NOL9: variants seen among roughly 807,000 people sequenced by gnomAD.
NOL9 encodes nucleolar protein 9.
Under a neutral mutation model 67.9 loss-of-function variants are expected in NOL9, and 28 were observed. The observed-to-expected ratio is 0.41, with a 90% CI of 0.31 to 0.57. The LOEUF (loss-of-function observed/expected upper bound fraction) is 0.57, where lower values mean the gene tolerates loss of function less well. Among genes scored for constraint, NOL9 ranks in the 20% least tolerant of loss-of-function variants. The pLI, the probability that NOL9 is intolerant of heterozygous loss-of-function variation, is 0.25. For missense variants in NOL9, 777 were observed against 897.0 expected, an observed-to-expected ratio of 0.87 and a Z score of 1.71; for synonymous variants, 356 against 352.2, an observed-to-expected ratio of 1.01 and a Z score of -0.12.
chr1:6,527,107 C>T (rs1373007816), intron 10 of NOL9, among the ~76,000 whole-genome samples: 2 of 151,798 alleles, frequency 1.3e-5, no homozygotes, highest in African/African-American at 2.4e-5. Flanking sequence ...ATTAGCCGGG[C>T]GTAGTGGTGG....
intron 1 of NOL9, among the ~76,000 whole-genome samples, chr1:6,551,354 G>A (rs1332281085): frequency 6.6e-6 from 1 of 152,016 alleles, no homozygotes; most frequent in East Asian, 1.9e-4. Flanking sequence ...AGGAGGTGGG[G>A]GGATCACTTG....
intron 3 of NOL9, 102 bp from the exon 4 acceptor site, chr1:6,545,282 T>A (rs937556774): frequency 1.3e-5 from 16 of 1,226,358 alleles, no homozygotes; most frequent in South Asian, 5.9e-5. Flanking sequence ...AGAAGATAAA[T>A]TGTTTCCTCC....
chr1:6,527,639 C>CAAA (rs796666090), intron 10 of NOL9, among the ~76,000 whole-genome samples: 1 of 28,556 alleles, frequency 3.5e-5, no homozygotes. Context: ...CAAAACAAAA[C>CAAA]AAAAAAAAAA....
intron 6 of NOL9, among the ~76,000 whole-genome samples, chr1:6,538,244 G>C (rs1481729334): frequency 6.6e-6 from 1 of 151,838 alleles, no homozygotes. Context: ...TTATTGTCAA[G>C]AAAGCAAAAA....
rs766888780 is a variant in NOL9 at position 6,554,349 on chromosome 1, A to G, written c.154T>C (p.Leu52=). 6.9e-7 allele frequency: 1 copy of G among 1,457,786 alleles called. No individual in the cohort carries two copies. The allele number at this position is 1,457,786 out of a possible 1,614,324, so 90.3% of individuals were successfully genotyped here. A position where few individuals can be genotyped will look rare whatever the true frequency, so the allele number is the denominator to read the frequency against. The part of the protein sequence containing the change: ...WCGRRRLRWR[L]LQAQASGVDW... ...ACGCCGGACGCCTGGGCTTGCAGTA[A>G]CCGCCACCGTAGGCGCCGCCGACCG... The change falls in exon 1 of 12, where the codon TTA becomes CTA. Residue 52 remains leucine (L), a synonymous_variant. Coordinates refer to ENST00000377705, the MANE Select transcript of NOL9 (RefSeq NM_024654.5).
intron 3 of NOL9, among the ~76,000 whole-genome samples, chr1:6,547,754 C>T (rs7536908): frequency 0.79 from 119,888 of 151,884 alleles, 48,580 homozygotes; most frequent in Non-Finnish European, 0.87. Flanking sequence ...ACTGAGAGGC[C>T]CCGGTGGGAG....
At chr1:6,530,853 TG>T (rs1557783408) in intron 9 of NOL9, among the ~76,000 whole-genome samples, 1 of 152,270 alleles carries the variant, frequency 6.6e-6, no homozygotes, top group African/African-American at 2.4e-5. Flanking sequence ...CCGGACATGC[TG>T]TGCGGCAGAG....
At chr1:6,548,838 T>C (rs1391053331) in intron 3 of NOL9, among the ~76,000 whole-genome samples, 1 of 151,908 alleles carries the variant, frequency 6.6e-6, no homozygotes, top group Non-Finnish European at 1.5e-5. Context: ...TCCCAGCACT[T>C]TGGGAGGCAG....
At chr1:6,538,221 T>A (rs922593670) in intron 6 of NOL9, among the ~76,000 whole-genome samples, 1 of 152,084 alleles carries the variant, frequency 6.6e-6, no homozygotes, top group African/African-American at 2.4e-5. Flanking sequence ...AATTAAGAAC[T>A]GTGCATCAAA....
At chr1:6,540,271 C>T (rs373640853) in intron 6 of NOL9, among the ~76,000 whole-genome samples, 2 of 151,888 alleles carry the variant, frequency 1.3e-5, no homozygotes, top group East Asian at 3.9e-4. Flanking sequence ...TACAGGCGCC[C>T]GCCACTACGC....
chr1:6,539,520 T>TA (rs1639229065), intron 6 of NOL9, among the ~76,000 whole-genome samples: 4 of 152,164 alleles, frequency 2.6e-5, no homozygotes, highest in Non-Finnish European at 5.9e-5. Context: ...TCTCACTGTT[T>TA]GTCACCCAGG....
intron 6 of NOL9, chr1:6,541,114 C>T (rs1639281394): frequency 6.8e-6 from 1 of 147,416 alleles, no homozygotes; most frequent in Non-Finnish European, 1.5e-5. Context: ...CCCCTGGGTT[C>T]ATGCGATTCT....
intron 6 of NOL9, among the ~76,000 whole-genome samples, chr1:6,534,855 G>A (rs755487017): frequency 4.6e-5 from 7 of 152,030 alleles, no homozygotes; most frequent in Non-Finnish European, 8.8e-5. Context: ...CCAGGCTGGA[G>A]TGCAGTGGCG....
chr1:6,552,088 T>C (rs1639554830), intron 1 of NOL9, among the ~76,000 whole-genome samples: 1 of 152,260 alleles, frequency 6.6e-6, no homozygotes. Context: ...TCAGTGGGAT[T>C]TGAACCATGA....
In NOL9 at chr1:6,525,959, A is replaced by G. The variant is rs781478923; in HGVS notation, c.2004T>C (p.Asn668=). 6.2e-7 allele frequency: 1 copy of G among 1,614,038 alleles called. No individual in the cohort carries two copies. The highest frequency in any genetic ancestry group is 8.5e-7 in the Non-Finnish European group (1 of 1,179,938). Residue 668 remains asparagine (N), a synonymous_variant, in exon 12 of 12, where the codon AAT becomes AAC. Transcript: ENST00000377705. The part of the protein sequence containing the change: ...GTVPYVTTDY[N]FKLPGASEKI... ...TCTCTGATGCTCCAGGAAGTTTAAA[A>G]TTGTAATCCGTTGTGACATAAGGTA...
At chr1:6,548,634 C>A (rs1016858066) in intron 3 of NOL9, 3 of 340,622 alleles carry the variant, frequency 8.8e-6, no homozygotes, top group African/African-American at 4.3e-5. Flanking sequence ...AAAATGAAGC[C>A]TTTTTGACTA....
chr1:6,522,896 A>AAAAAG lies in NOL9; in HGVS notation c.*2957_*2958insCTTTT, dbSNP rs1472622892. The AAAAAG allele has an allele frequency of 2.3e-4, 35 of 149,078 alleles. No homozygotes were observed. The highest frequency in any genetic ancestry group is 7.4e-4 in the African/African-American group (30 of 40,408). 9.2% of individuals were successfully genotyped at this position (149,078 alleles called of 1,614,324 possible). A position where few individuals can be genotyped will look rare whatever the true frequency, so the allele number is the denominator to read the frequency against. Reference sequence around the variant, plus strand: ...TAGACTCTGTCTCAAAAAAAAAAAAAAAAAAGAAATTGCTTCAGCACTTTG... The same window carrying AAAAAG: ...TAGACTCTGTCTCAAAAAAAAAAAAAAAAAGAAAAAGAAATTGCTTCAGCACTTTG... On this transcript the variant is annotated 3_prime_UTR_variant, in exon 12 of 12. Coordinates refer to ENST00000377705, the MANE Select transcript of NOL9 (RefSeq NM_024654.5).
rs779898461 is a variant in NOL9, at chr1:6,523,451, T to C, written c.*2403A>G. 1.3e-5 allele frequency: 2 copies of C among 150,210 alleles called. No individual in the cohort carries two copies. Among genetic ancestry groups the C allele is most frequent in the Admixed American group, 6.6e-5 (1 of 15,070 alleles). The allele number at this position is 150,210 out of a possible 1,614,324, so 9.3% of individuals were successfully genotyped here. ...AAAATCAGCCAGGCATGGTGGCGCA[T>C]GCCTGTAATCCCAGCTACTCGGGAG... On this transcript the variant is annotated 3_prime_UTR_variant, in exon 12 of 12. Transcript: ENST00000377705.
At chr1:6,528,487 G>A (rs1570038269) in intron 10 of NOL9, among the ~76,000 whole-genome samples, 2 of 152,302 alleles carry the variant, frequency 1.3e-5, no homozygotes, top group Admixed American at 1.3e-4. Context: ...GCCAAGGAGG[G>A]GCCAGGGTCT....
Sources: gnomAD v4.1 joint callset for allele counts (sites outside exome capture counted in the v4.1 genomes callset) on GRCh38, gnomAD v4.1.1 for gene constraint, MANE v1.5 for transcripts, NCBI Gene and HGNC (gene_info 2026-07-23, HGNC 2026-07-21) for gene names.